RAI1: variants seen among roughly 807,000 people sequenced by gnomAD.
RAI1 encodes retinoic acid induced 1.
RAI1 carries 9 observed loss-of-function variants against 123.8 expected under a neutral mutation model. The ratio of observed to expected loss-of-function variants is 0.07; its 90% CI spans 0.04 to 0.13. The LOEUF (loss-of-function observed/expected upper bound fraction) is 0.13, where lower values mean the gene tolerates loss of function less well. Among genes scored for constraint, RAI1 ranks in the 10% least tolerant of loss-of-function variants. The pLI, the probability that RAI1 is intolerant of heterozygous loss-of-function variation, is 1.00. For missense variants in RAI1, 2,256 were observed against 2,545.8 expected (o/e 0.89, Z 2.45); for synonymous variants, 1,231 against 1,127.3 (o/e 1.09, Z -1.84).
At chr17:17,682,203 T>G (rs1347308817) in intron 1 of RAI1, among the ~76,000 whole-genome samples, 1 of 151,232 alleles carries the variant, frequency 6.6e-6, no homozygotes, top group African/African-American at 2.4e-5. Flanking sequence ...GTGAGCTTTG[T>G]GAGTGCGTCC....
At chr17:17,716,359 G>A (rs183739500) in intron 1 of RAI1, among the ~76,000 whole-genome samples, 198 of 152,336 alleles carry the variant, frequency 1.3e-3, no homozygotes, top group Non-Finnish European at 2.1e-3. Context: ...AGAAATCTCC[G>A]TGTTCTTGCA....
chr17:17,681,920 T>G, intron 1 of RAI1, 127 bp downstream of exon 1: 1 of 220,786 alleles, frequency 4.5e-6, no homozygotes, highest in Non-Finnish European at 8.7e-6. Context: ...GCGCGCGCGC[T>G]GGGTGGAGAT....
At chr17:17,711,936 C>T (rs1161870132) in intron 1 of RAI1, among the ~76,000 whole-genome samples, 5 of 152,244 alleles carry the variant, frequency 3.3e-5, no homozygotes, top group Admixed American at 6.5e-5. Context: ...ATGGCTGTCA[C>T]GCGGTGTCCG....
chr17:17,794,290 A>G lies in RAI1; in HGVS notation c.1342A>G (p.Thr448Ala), dbSNP rs1362330647. 6.2e-7 allele frequency: 1 copy of G among 1,613,148 alleles called. No individual in the cohort carries two copies. ...LTSQVENISN[T>A]VQQLLLSKAA... ...CTCACAGGTGGAGAACATCTCCAACACCGTCCAGCAGCTGCTGCTCTCCAA... is the reference window on the plus strand; with the variant it reads ...CTCACAGGTGGAGAACATCTCCAACGCCGTCCAGCAGCTGCTGCTCTCCAA... The change falls in exon 3 of 6, where the codon ACC becomes GCC. Residue 448 changes from threonine to alanine, a missense_variant. Around this residue, in one of 7 missense-constraint regions of RAI1, gnomAD observed 357 missense variants for 480.2 expected, o/e 0.74. Transcript: ENST00000353383.
rs148947371 is a variant in RAI1, at chr17:17,795,340, C to T, written c.2392C>T (p.Pro798Ser). The T allele has an allele frequency of 1.2e-5, 19 of 1,600,190 alleles. No individual in the cohort carries two copies. The highest frequency in any genetic ancestry group is 5.4e-5 in the African/African-American group (4 of 74,426). ...SACLGFQEED[P>S]PGEKVASLPG... is the part of the protein sequence containing the mutation. ...CTGCCTGGGCTTCCAGGAGGAGGAC[C>T]CCCCTGGGGAGAAGGTGGCCTCGTT... is the stretch of plus-strand genomic sequence containing the variant. Residue 798 changes from proline (P) to serine (S), a missense_variant, in exon 3 of 6, where the codon CCC becomes TCC. By Grantham distance (74) the Pro-to-Ser change is moderately conservative (BLOSUM62 -1). This residue lies in a region of RAI1 where 566 missense variants were observed against 616.0 expected (regional missense o/e 0.92). Transcript: ENST00000353383. The surrounding 1 kb of genome is among the most constrained non-coding windows in gnomAD (Gnocchi z 5.9).
In RAI1 at chr17:17,810,229, C is replaced by T; in HGVS notation, c.*248C>T. 2 of 573,874 alleles carry T rather than the reference C, an allele frequency of 3.5e-6. No individual in the cohort carries two copies. The highest frequency in any genetic ancestry group is 6.0e-6 in the Non-Finnish European group (2 of 335,926). 35.5% of individuals were successfully genotyped at this position (573,874 alleles called of 1,614,324 possible). On this transcript the variant is annotated 3_prime_UTR_variant, in exon 6 of 6. Coordinates refer to ENST00000353383, the MANE Select transcript of RAI1 (RefSeq NM_030665.4). This position sits in a 1 kb window ranked among gnomAD's most constrained non-coding sequence, Gnocchi z 4.6. The stretch of plus-strand genomic sequence containing the variant: ...AACCGGACGGCACAGGGCGTTCTTG[C>T]CCACCCCAGGGGCCAGGCTTGCGGA...
chr17:17,793,694 G>T lies in RAI1; in HGVS notation c.746G>T (p.Arg249Met). 6.2e-7 allele frequency: 1 copy of T among 1,613,100 alleles called. No individual in the cohort carries two copies. Among genetic ancestry groups the T allele is most frequent in the South Asian group, 1.1e-5 (1 of 91,080 alleles). The part of the protein sequence containing the change: ...CTAPTAQPHD[R>M]PLTASSSLAP... The stretch of plus-strand genomic sequence containing the variant: ...GCACCGACTGCCCAGCCCCATGACA[G>T]GCCGCTGACTGCCAGCTCCAGCCTG... Residue 249 changes from arginine to methionine, a missense_variant, in exon 3 of 6, where the codon AGG (arginine) becomes ATG (methionine). Around this residue, in one of 7 missense-constraint regions of RAI1, gnomAD observed 336 missense variants for 349.8 expected, o/e 0.96. Coordinates refer to ENST00000353383, the MANE Select transcript of RAI1 (RefSeq NM_030665.4).
At chr17:17,770,032 G>T (rs2031086773) in intron 2 of RAI1, among the ~76,000 whole-genome samples, 2 of 152,174 alleles carry the variant, frequency 1.3e-5, no homozygotes, top group African/African-American at 2.4e-5. Flanking sequence ...GCTTTGCTGG[G>T]CCCTCCAGGA....
rs1169924159 is a variant in RAI1 at position 17,793,268 on chromosome 17, C to T, written c.320C>T (p.Pro107Leu). The T allele has an allele frequency of 6.2e-7, 1 of 1,612,222 alleles. No homozygotes were observed. Among genetic ancestry groups the T allele is most frequent in the Non-Finnish European group, 8.5e-7 (1 of 1,179,692 alleles). Reference protein sequence around the residue: ...FPGYGVQDSSPYPGRYAGEES... With the variant: ...FPGYGVQDSSLYPGRYAGEES... ...GGCTACGGCGTCCAGGACAGCAGCC[C>T]CTACCCAGGCCGCTATGCTGGTGAG... Residue 107 changes from proline (P) to leucine (L), a missense_variant, in exon 3 of 6, where the codon CCC becomes CTC. Transcript: ENST00000353383.
intron 1 of RAI1, among the ~76,000 whole-genome samples, chr17:17,682,257 C>T (rs1914452493): frequency 6.6e-6 from 1 of 151,904 alleles, no homozygotes; most frequent in South Asian, 2.1e-4. Flanking sequence ...GTGACCCGGG[C>T]CCGGCGTGGC....
At chr17:17,787,061 CAAAA>C (rs943034211) in intron 2 of RAI1, among the ~76,000 whole-genome samples, 4 of 152,154 alleles carry the variant, frequency 2.6e-5, no homozygotes, top group South Asian at 2.1e-4. Context: ...AACAAACAAA[CAAAA>C]AAACTAGCAG....
chr17:17,785,630 C>T (rs1464263056), intron 2 of RAI1, among the ~76,000 whole-genome samples: 1 of 152,196 alleles, frequency 6.6e-6, no homozygotes, highest in Non-Finnish European at 1.5e-5. Flanking sequence ...GTTCTCACCG[C>T]CTCTGGAAGC....
chr17:17,746,911 A>G (rs146916136), intron 2 of RAI1, among the ~76,000 whole-genome samples: 1,856 of 152,286 alleles, frequency 0.012, 39 homozygotes, highest in African/African-American at 0.041. Flanking sequence ...CTGGGATTAC[A>G]GGCATGAGCC....
rs1353020921 is a variant in RAI1, at chr17:17,714,038, T to A, written c.-148-9990T>A. On this transcript the variant is annotated intron_variant, in intron 1 of 5. Transcript: ENST00000353383. The surrounding 1 kb of genome is among the most constrained non-coding windows in gnomAD (Gnocchi z 4.9). ...GAGTGTCCCAGCCGCCCACGATGCCTCCACCCAGAGGCTGCCCTGTTCTGC... is the reference window on the plus strand; with the variant it reads ...GAGTGTCCCAGCCGCCCACGATGCCACCACCCAGAGGCTGCCCTGTTCTGC... 6.6e-6 allele frequency among the ~76,000 whole-genome samples: 1 copy of A among 152,056 alleles called. No homozygotes were observed. The highest frequency in any genetic ancestry group is 2.4e-5 in the African/African-American group (1 of 41,402).
rs759987462 is a variant in RAI1 at position 17,798,396 on chromosome 17, C to T, written c.5448C>T (p.Gly1816=). The change falls in exon 3 of 6, where the codon GGC becomes GGT. Residue 1816 remains glycine (G), a synonymous_variant. Transcript: ENST00000353383. ...ECSKEAPAEP[G]GEAQEHWVHE... ...GCAAGGAGGCTCCGGCAGAGCCCGG[C>T]GGGGAGGCCCAGGAGCACTGGGTGC... 16 of 1,609,818 alleles carry T rather than the reference C, an allele frequency of 9.9e-6. No individual in the cohort carries two copies. The highest frequency in any genetic ancestry group is 5.5e-5 in the South Asian group (5 of 90,630).
intron 4 of RAI1, among the ~76,000 whole-genome samples, chr17:17,804,938 C>T (rs1478487233): frequency 6.6e-6 from 1 of 152,134 alleles, no homozygotes; most frequent in Non-Finnish European, 1.5e-5. Context: ...TCTTGGCTCA[C>T]TGCAACCTCC....
intron 2 of RAI1, among the ~76,000 whole-genome samples, chr17:17,724,717 ACTCGGCG>A (rs1916019770): frequency 6.6e-6 from 1 of 151,876 alleles, no homozygotes; most frequent in South Asian, 2.1e-4. Context: ...CTCCCTGGGG[ACTCGGCG>A]CCCCTGACGC....
intron 1 of RAI1, among the ~76,000 whole-genome samples, chr17:17,703,571 A>G (rs1281376466): frequency 6.6e-6 from 1 of 152,168 alleles, no homozygotes; most frequent in Non-Finnish European, 1.5e-5. Flanking sequence ...TTGGTGGGCA[A>G]AACAAGCATA....
chr17:17,704,092 G>A (rs1397049953), intron 1 of RAI1, among the ~76,000 whole-genome samples: 1 of 152,230 alleles, frequency 6.6e-6, no homozygotes, highest in East Asian at 1.9e-4. Context: ...ACTCTGCCAT[G>A]GTGGACCATT....
Sources: gnomAD v4.1 joint callset for allele counts (sites outside exome capture counted in the v4.1 genomes callset) on GRCh38, gnomAD v4.1.1 for gene constraint, gnomAD v4.1.1 regional missense constraint, Gnocchi (gnomAD v3.1) non-coding constraint, MANE v1.5 for transcripts, NCBI Gene and HGNC (gene_info 2026-07-23, HGNC 2026-07-21) for gene names.